The following OPCML variants were observed in gnomAD, a reference collection of about 807,000 sequenced individuals.
OPCML encodes the protein opioid-binding protein/cell adhesion molecule.
OPCML carries 13 observed loss-of-function variants against 37.8 expected under a neutral mutation model. That is an observed-to-expected ratio of 0.34 (90% CI 0.22 to 0.55). The LOEUF (loss-of-function observed/expected upper bound fraction) is 0.55. OPCML is among the 20% of genes least tolerant of loss of function. The pLI, the probability that OPCML is intolerant of heterozygous loss-of-function variation, is 0.91. For missense variants in OPCML, 341 were observed against 435.6 expected (o/e 0.78, Z 1.93); for synonymous variants, 176 against 168.8 (o/e 1.04, Z -0.33).
At chr11:133,051,853 G>GCT (rs1384796492) in intron 1 of OPCML, among the ~76,000 whole-genome samples, 1 of 152,218 alleles carries the variant, frequency 6.6e-6, no homozygotes, top group Non-Finnish European at 1.5e-5. Flanking sequence ...CAGATGGACA[G>GCT]CTCTGCTGCA....
intron 2 of OPCML, among the ~76,000 whole-genome samples, chr11:132,704,102 G>T (rs1943940305): frequency 6.6e-6 from 1 of 152,106 alleles, no homozygotes; most frequent in African/African-American, 2.4e-5. Flanking sequence ...AAGCCACATG[G>T]ACTAGTGTAG....
chr11:133,266,486 T>C (rs1419249998), intron 1 of OPCML, among the ~76,000 whole-genome samples: 3 of 152,180 alleles, frequency 2.0e-5, no homozygotes, highest in African/African-American at 4.8e-5. Flanking sequence ...TTCTTGCCCA[T>C]CACAATCTTC....
intron 3 of OPCML, among the ~76,000 whole-genome samples, chr11:132,581,797 G>A (rs1853309875): frequency 6.6e-6 from 1 of 152,010 alleles, no homozygotes; most frequent in African/African-American, 2.4e-5. Context: ...ACTGCCATGA[G>A]GTCTGGGGTT....
At chr11:133,215,420 T>C (rs1012132196) in intron 1 of OPCML, among the ~76,000 whole-genome samples, 5 of 152,220 alleles carry the variant, frequency 3.3e-5, no homozygotes. Context: ...GCAGCAGATA[T>C]CATCTTCCTG....
In OPCML at chr11:133,272,597, G is replaced by A. The variant is rs140842909; in HGVS notation, c.61+259667C>T. On this transcript the variant is annotated intron_variant, in intron 1 of 7. Coordinates refer to ENST00000524381, the MANE Select transcript of OPCML (RefSeq NM_001012393.5). ...CCTCTGGGCCGGCCCGGGGACGCTC[G>A]GGGCAGGGTATGAGGCAAGAGAAAG... 1.8e-3 allele frequency among the ~76,000 whole-genome samples: 271 copies of A among 152,276 alleles called. 2 individuals carry two copies. The South Asian group carries it at 0.019, about 11-fold the overall frequency.
chr11:132,999,570 G>C (rs889468885), intron 1 of OPCML, among the ~76,000 whole-genome samples: 1 of 105,460 alleles, frequency 9.5e-6, no homozygotes, highest in Non-Finnish European at 2.1e-5. Flanking sequence ...AAATGGGGTC[G>C]GGGGGGGAAT....
At chr11:133,520,068 A>G (rs954143034) in intron 1 of OPCML, among the ~76,000 whole-genome samples, 2 of 152,168 alleles carry the variant, frequency 1.3e-5, no homozygotes, top group Non-Finnish European at 2.9e-5. Context: ...AAGGAGGGTT[A>G]GAGCAGCTCT....
At chr11:132,886,242 C>A (rs780649215) in intron 2 of OPCML, among the ~76,000 whole-genome samples, 6 of 152,122 alleles carry the variant, frequency 3.9e-5, no homozygotes, top group Non-Finnish European at 5.9e-5. Flanking sequence ...ATTTACTATT[C>A]TCTAATTATC....
At chr11:132,542,605 GC>G (rs2096359478) in intron 3 of OPCML, among the ~76,000 whole-genome samples, 2 of 152,042 alleles carry the variant, frequency 1.3e-5, no homozygotes, top group Admixed American at 1.3e-4. Context: ...ACAGACTCCT[GC>G]CCTGCTCTGC....
chr11:132,834,505 G>A (rs1940897184), intron 2 of OPCML, among the ~76,000 whole-genome samples: 3 of 152,152 alleles, frequency 2.0e-5, no homozygotes, highest in Non-Finnish European at 4.4e-5. Context: ...AGCCTCTAGG[G>A]GAGGGTCCCT....
At chr11:133,286,199 C>G (rs1942291232) in intron 1 of OPCML, among the ~76,000 whole-genome samples, 1 of 152,112 alleles carries the variant, frequency 6.6e-6, no homozygotes, top group Non-Finnish European at 1.5e-5. Context: ...GCCTGCAATT[C>G]CAGCACTTTG....
At chr11:133,231,705 G>A (rs1940286846) in intron 1 of OPCML, among the ~76,000 whole-genome samples, 1 of 152,134 alleles carries the variant, frequency 6.6e-6, no homozygotes, top group Non-Finnish European at 1.5e-5. Context: ...TGGGCAGTAT[G>A]CATAACCTCC....
chr11:133,394,748 T>G (rs966929825), intron 1 of OPCML, among the ~76,000 whole-genome samples: 43 of 152,246 alleles, frequency 2.8e-4, no homozygotes, highest in African/African-American at 1.0e-3. Context: ...ATTGTGTATA[T>G]GTACTACATT....
Position 132,688,842 on chromosome 11 carries a change from C to G in OPCML, c.147-31523G>C, listed in dbSNP as rs796922856. Among the ~76,000 whole-genome samples the G allele has an allele frequency of 1.0e-4, 9 of 86,326 alleles. 3 individuals are homozygous for G. Among genetic ancestry groups the G allele is most frequent in the Non-Finnish European group, 1.6e-4 (7 of 43,730 alleles). 56.6% of individuals were successfully genotyped at this position (86,326 alleles called of 152,430 possible). On this transcript the variant is annotated intron_variant, in intron 2 of 7. Transcript: ENST00000524381. ...GCGGGCGCCTGTAGTCCCAGCTACT[C>G]GGGAGGCTGAGGCAGGAGAATGGCG...
In OPCML at chr11:133,123,806, A is replaced by G. The variant is rs1333662935; in HGVS notation, c.62-180796T>C. Among the ~76,000 whole-genome samples the G allele has an allele frequency of 1.3e-5, 2 of 152,106 alleles. 1 individual carries two copies. The highest frequency in any genetic ancestry group is 2.9e-5 in the Non-Finnish European group (2 of 68,008). The stretch of plus-strand genomic sequence containing the variant: ...TTAAGGGGTTATGGGGTTTTAATTA[A>G]TTCATTATTATAATTATCCTAAGTG... On this transcript the variant is annotated intron_variant, in intron 1 of 7. Transcript: ENST00000524381.
intron 1 of OPCML, among the ~76,000 whole-genome samples, chr11:133,303,522 G>A (rs1942834398): frequency 6.6e-6 from 1 of 152,132 alleles, no homozygotes; most frequent in African/African-American, 2.4e-5. Context: ...AAATAATAGA[G>A]CGAGAAAGTC....
chr11:133,494,377 A>G (rs1285428291), intron 1 of OPCML, among the ~76,000 whole-genome samples: 3 of 151,814 alleles, frequency 2.0e-5, no homozygotes, highest in South Asian at 4.2e-4. Context: ...CTGGGTATAT[A>G]CCCAAAGGAC....
At chr11:132,918,807 A>T (rs1944693020) in intron 2 of OPCML, among the ~76,000 whole-genome samples, 1 of 147,366 alleles carries the variant, frequency 6.8e-6, no homozygotes, top group African/African-American at 2.7e-5. Context: ...GAAAAAAAAC[A>T]TTGTCACTTT....
chr11:133,324,579 G>A (rs1296047745), intron 1 of OPCML, among the ~76,000 whole-genome samples: 2 of 152,142 alleles, frequency 1.3e-5, no homozygotes, highest in Non-Finnish European at 2.9e-5. Context: ...CTGCTAAGAC[G>A]CCTACGGGCC....
Sources: allele counts gnomAD v4.1 joint callset (sites outside exome capture counted in the v4.1 genomes callset), GRCh38; gene constraint gnomAD v4.1.1; transcripts MANE v1.5; gene names NCBI Gene and HGNC (gene_info 2026-07-23, HGNC 2026-07-21).